CDC14B: variants seen among roughly 807,000 people sequenced by gnomAD.
CDC14B encodes the protein cell division cycle 14B.
In CDC14B, 22 loss-of-function variants were observed where a neutral mutation model predicts 64.2. That is an observed-to-expected ratio of 0.34 (90% CI 0.24 to 0.49). CDC14B has a LOEUF of 0.49. CDC14B is among the 20% of genes least tolerant of loss of function. CDC14B has a pLI of 0.99. For missense variants in CDC14B, 498 were observed against 629.9 expected (o/e 0.79, Z 2.24); for synonymous variants, 191 against 215.8 (o/e 0.89, Z 1.01).
At chr9:96,596,851 C>A (rs1256646392) in intron 1 of CDC14B, among the ~76,000 whole-genome samples, 4 of 150,220 alleles carry the variant, frequency 2.7e-5, no homozygotes, top group Non-Finnish European at 4.4e-5. Flanking sequence ...AGATGGAGAC[C>A]TTCTCTATCT....
chr9:96,614,692 A>C (rs1196253275), intron 1 of CDC14B, among the ~76,000 whole-genome samples: 1 of 152,162 alleles, frequency 6.6e-6, no homozygotes, highest in African/African-American at 2.4e-5. Flanking sequence ...GACCTCTGAC[A>C]TTAAGGAGGT....
intron 1 of CDC14B, chr9:96,618,532 C>G (rs1349787875): frequency 1.9e-6 from 1 of 533,406 alleles, no homozygotes; most frequent in African/African-American, 1.9e-5. Flanking sequence ...AAGTGACAAC[C>G]CGGACATTCG....
intron 5 of CDC14B, among the ~76,000 whole-genome samples, chr9:96,547,974 C>T (rs1841216566): frequency 1.3e-5 from 2 of 152,046 alleles, no homozygotes; most frequent in African/African-American, 2.4e-5. Context: ...TATAGGCGCC[C>T]GCCACCACGC....
At chr9:96,526,630 C>A (rs548531855) in intron 9 of CDC14B, among the ~76,000 whole-genome samples, 1 of 152,308 alleles carries the variant, frequency 6.6e-6, no homozygotes, top group South Asian at 2.1e-4. Context: ...AATTTTCATA[C>A]TGTCATCATT....
rs1490608266 is a variant in CDC14B at position 96,522,604 on chromosome 9, CTGTG to C, written c.1246-5_1246-2del. The C allele has an allele frequency of 6.3e-7, 1 of 1,595,492 alleles. No individual in the cohort carries two copies. Among genetic ancestry groups the C allele is most frequent in the Admixed American group, 1.7e-5 (1 of 59,996 alleles). ...CATTGATTTCGTCATCATCACTGTA[CTGTG>C]TAAGTAAAAAAACACTGAGCTAATG... On this transcript the variant is annotated splice_acceptor_variant and splice_polypyrimidine_tract_variant and intron_variant, in intron 11 of 13. Transcript: ENST00000375241. LOFTEE classifies it high-confidence loss of function.
chr9:96,549,642 C>A (rs776010785), intron 5 of CDC14B, among the ~76,000 whole-genome samples: 2 of 150,842 alleles, frequency 1.3e-5, no homozygotes, highest in Non-Finnish European at 2.9e-5. Flanking sequence ...TCCAGCTTAG[C>A]GACAGAGCAA....
chr9:96,508,205 G>A (rs999774502), intron 13 of CDC14B, among the ~76,000 whole-genome samples: 10 of 151,676 alleles, frequency 6.6e-5, no homozygotes, highest in Admixed American at 3.9e-4. Context: ...TAGTAGAGAC[G>A]GGGTTTCACT....
intron 7 of CDC14B, among the ~76,000 whole-genome samples, chr9:96,537,668 G>C (rs966680193): frequency 3.9e-5 from 6 of 152,212 alleles, no homozygotes; most frequent in Admixed American, 3.3e-4. Flanking sequence ...AGCACCTGAA[G>C]GGGCATGCTA....
At chr9:96,541,320 T>G (rs956231680) in intron 6 of CDC14B, among the ~76,000 whole-genome samples, 5 of 152,246 alleles carry the variant, frequency 3.3e-5, no homozygotes, top group Admixed American at 1.3e-4. Context: ...GTGACCCACT[T>G]AGTTTCACAT....
intron 12 of CDC14B, among the ~76,000 whole-genome samples, chr9:96,521,476 C>T (rs1028010316): frequency 5.9e-5 from 9 of 152,222 alleles, no homozygotes; most frequent in Non-Finnish European, 1.3e-4. Context: ...GGATGCCCTA[C>T]ATTCATTCAC....
At chr9:96,522,287 G>T (rs554658292) in intron 12 of CDC14B, among the ~76,000 whole-genome samples, 1 of 152,148 alleles carries the variant, frequency 6.6e-6, no homozygotes, top group East Asian at 1.9e-4. Flanking sequence ...CCCTGATGTC[G>T]CCTTCCCACC....
intron 12 of CDC14B, among the ~76,000 whole-genome samples, chr9:96,513,192 A>G (rs991332654): frequency 3.9e-5 from 6 of 152,232 alleles, no homozygotes; most frequent in East Asian, 1.9e-4. Flanking sequence ...GAACTTTAAA[A>G]CCAAGAGAAT....
intron 9 of CDC14B, among the ~76,000 whole-genome samples, chr9:96,524,847 T>C (rs1263904316): frequency 6.6e-6 from 1 of 152,158 alleles, no homozygotes; most frequent in Non-Finnish European, 1.5e-5. Context: ...ATAAATCTCC[T>C]ACATATAAAA....
chr9:96,601,927 T>C (rs944584767), intron 1 of CDC14B, among the ~76,000 whole-genome samples: 3 of 149,880 alleles, frequency 2.0e-5, no homozygotes, highest in African/African-American at 7.4e-5. Context: ...GGCATGGTGG[T>C]GGGTGCCTGT....
chr9:96,511,023 T>G (rs1349661379), intron 12 of CDC14B, among the ~76,000 whole-genome samples: 1 of 152,218 alleles, frequency 6.6e-6, no homozygotes, highest in East Asian at 1.9e-4. Flanking sequence ...TAACAAGCTT[T>G]CTTCTCTCCT....
At chr9:96,547,092 A>G (rs1841027425) in intron 5 of CDC14B, among the ~76,000 whole-genome samples, 1 of 151,574 alleles carries the variant, frequency 6.6e-6, no homozygotes, top group African/African-American at 2.4e-5. Flanking sequence ...CAGTCAACTT[A>G]AAAGGGGGAA....
chr9:96,509,815 AT>A, intron 12 of CDC14B, 26 bp from the exon 13 acceptor site: 3 of 1,409,088 alleles, frequency 2.1e-6, no homozygotes, highest in Non-Finnish European at 3.0e-6. Flanking sequence ...AAAAAATAAG[AT>A]TATATTCACT....
intron 1 of CDC14B, among the ~76,000 whole-genome samples, chr9:96,593,504 A>G (rs1845898600): frequency 1.3e-5 from 2 of 151,668 alleles, no homozygotes; most frequent in Admixed American, 1.3e-4. Flanking sequence ...AAAAAAAAAA[A>G]GCAAGCCATA....
chr9:96,546,325 A>G (rs1840822668), intron 5 of CDC14B, among the ~76,000 whole-genome samples: 1 of 152,200 alleles, frequency 6.6e-6, no homozygotes, highest in African/African-American at 2.4e-5. Context: ...CATACCAGTA[A>G]TATCAAGTTC....
Sources: allele counts gnomAD v4.1 joint callset (sites outside exome capture counted in the v4.1 genomes callset), GRCh38; gene constraint gnomAD v4.1.1; transcripts MANE v1.5; gene names NCBI Gene and HGNC (gene_info 2026-07-23, HGNC 2026-07-21).